The following SNTG1 variants were observed in gnomAD, a reference collection of about 807,000 sequenced individuals.
SNTG1 encodes the protein gamma-1-syntrophin.
A neutral mutation model predicts 74.7 loss-of-function variants in SNTG1; 39 were observed. The ratio of observed to expected loss-of-function variants is 0.52; its 90% confidence interval spans 0.40 to 0.68. The LOEUF is 0.68. SNTG1 is among the 30% of genes least tolerant of loss of function. SNTG1 has a pLI of 0.00. For missense variants in SNTG1, 685 were observed against 609.5 expected (o/e 1.12, Z -1.30); for synonymous variants, 254 against 217.1 (o/e 1.17, Z -1.49).
At chr8:50,490,246 C>A (rs1290964506) in intron 8 of SNTG1, among the ~76,000 whole-genome samples, 2 of 152,058 alleles carry the variant, frequency 1.3e-5, no homozygotes, top group Admixed American at 6.5e-5. Context: ...ATCGCTTTGG[C>A]TATATGAGCT....
At chr8:49,938,551 TC>T (rs1219968347) in intron 1 of SNTG1, among the ~76,000 whole-genome samples, 1 of 41,612 alleles carries the variant, frequency 2.4e-5, no homozygotes, top group Non-Finnish European at 4.3e-5. Flanking sequence ...TGCCTTCTTT[TC>T]TTTTGTTTTC....
chr8:50,553,541 G>A (rs1401059074), intron 12 of SNTG1, among the ~76,000 whole-genome samples: 1 of 152,146 alleles, frequency 6.6e-6, no homozygotes, highest in East Asian at 1.9e-4. Flanking sequence ...ATTGCAGCTA[G>A]GAAGGTTTGA....
At chr8:50,195,017 C>T (rs543170080) in intron 2 of SNTG1, among the ~76,000 whole-genome samples, 2 of 152,174 alleles carry the variant, frequency 1.3e-5, no homozygotes, top group South Asian at 4.1e-4. Flanking sequence ...AGATTATATG[C>T]CCCTTGTCTT....
chr8:50,733,898 G>A (rs1017670666), intron 17 of SNTG1, among the ~76,000 whole-genome samples: 1 of 151,138 alleles, frequency 6.6e-6, no homozygotes, highest in African/African-American at 2.4e-5. Context: ...TTTACTAAAT[G>A]AATTTGTAAT....
intron 2 of SNTG1, among the ~76,000 whole-genome samples, chr8:50,221,918 C>A (rs1030369214): frequency 4.6e-5 from 7 of 152,122 alleles, no homozygotes; most frequent in Non-Finnish European, 8.8e-5. Flanking sequence ...TTACACAAAT[C>A]AGCCTTCCCA....
At chr8:50,622,987 A>T (rs901671222) in intron 13 of SNTG1, among the ~76,000 whole-genome samples, 3 of 152,106 alleles carry the variant, frequency 2.0e-5, no homozygotes, top group Admixed American at 6.5e-5. Flanking sequence ...TAATGCACAG[A>T]AATGCGACTG....
chr8:50,498,540 G>A (rs1425352435), intron 8 of SNTG1, among the ~76,000 whole-genome samples: 1 of 151,758 alleles, frequency 6.6e-6, no homozygotes, highest in Non-Finnish European at 1.5e-5. Flanking sequence ...TTTTCTCAAA[G>A]TTTGTGACTT....
At chr8:50,748,038 T>C (rs2095559113) in intron 17 of SNTG1, among the ~76,000 whole-genome samples, 2 of 151,932 alleles carry the variant, frequency 1.3e-5, no homozygotes. Context: ...CTTTATTGAG[T>C]TGAAGGTGAA....
chr8:50,126,971 T>C (rs2081161767), intron 1 of SNTG1, among the ~76,000 whole-genome samples: 1 of 152,104 alleles, frequency 6.6e-6, no homozygotes, highest in African/African-American at 2.4e-5. Context: ...TACATCACAG[T>C]TATATCTGGG....
At chr8:50,081,615 TTTTTTG>T (rs1256361557) in intron 1 of SNTG1, among the ~76,000 whole-genome samples, 48 of 152,158 alleles carry the variant, frequency 3.2e-4, no homozygotes, top group African/African-American at 1.0e-3. Flanking sequence ...TCACTTCGTT[TTTTTTG>T]TTTTTGTTTT....
At chr8:50,511,442 A>T (rs1479655344) in intron 9 of SNTG1, among the ~76,000 whole-genome samples, 3 of 152,208 alleles carry the variant, frequency 2.0e-5, no homozygotes, top group Non-Finnish European at 2.9e-5. Flanking sequence ...TGCTTGGTGC[A>T]GAGCTGAGTT....
intron 2 of SNTG1, among the ~76,000 whole-genome samples, chr8:50,375,211 C>T (rs2092352318): frequency 6.6e-6 from 1 of 152,044 alleles, no homozygotes; most frequent in South Asian, 2.1e-4. Context: ...GCATTACTGA[C>T]TTTTGTGGAC....
chr8:50,310,004 A>T (rs1396731339), intron 2 of SNTG1, among the ~76,000 whole-genome samples: 1 of 152,222 alleles, frequency 6.6e-6, no homozygotes, highest in Non-Finnish European at 1.5e-5. Flanking sequence ...ATAGTCAAAC[A>T]GCCCATTTTA....
intron 1 of SNTG1, among the ~76,000 whole-genome samples, chr8:50,111,394 A>G (rs936426798): frequency 1.3e-5 from 2 of 149,202 alleles, no homozygotes; most frequent in African/African-American, 2.5e-5. Flanking sequence ...ACCAGAAAGT[A>G]TATCCTCTCT....
At chr8:50,076,949 A>G (rs1821949306) in intron 1 of SNTG1, among the ~76,000 whole-genome samples, 1 of 152,212 alleles carries the variant, frequency 6.6e-6, no homozygotes, top group Non-Finnish European at 1.5e-5. Flanking sequence ...ACAAAACAGG[A>G]AGTATAGTTG....
chr8:50,100,040 T>C lies in SNTG1; in HGVS notation c.-102-72521T>C, dbSNP rs189489196. Among the ~76,000 whole-genome samples the C allele has an allele frequency of 2.0e-3, 311 of 152,098 alleles. 1 individual carries two copies. Among genetic ancestry groups the C allele is most frequent in the African/African-American group, 7.1e-3 (297 of 41,548 alleles). On this transcript the variant is annotated intron_variant, in intron 1 of 18. Coordinates refer to ENST00000642720, the MANE Select transcript of SNTG1 (RefSeq NM_018967.5). ...GTGTTCATCAATAGATGACGGACAATGCAAATGTGGTGTACATACACATTG... is the reference window on the plus strand; with the variant it reads ...GTGTTCATCAATAGATGACGGACAACGCAAATGTGGTGTACATACACATTG...
intron 2 of SNTG1, among the ~76,000 whole-genome samples, chr8:50,341,875 T>G (rs11988564): frequency 1.3e-5 from 2 of 152,026 alleles, no homozygotes; most frequent in Non-Finnish European, 2.9e-5. Flanking sequence ...TAAAGTTAAC[T>G]TTTTATTCAT....
intron 13 of SNTG1, among the ~76,000 whole-genome samples, chr8:50,614,292 A>G (rs559481724): frequency 4.6e-4 from 70 of 152,126 alleles, no homozygotes; most frequent in Non-Finnish European, 7.5e-4. Flanking sequence ...AAATGTGAAC[A>G]TATTTCTGAA....
intron 1 of SNTG1, among the ~76,000 whole-genome samples, chr8:49,973,298 G>A (rs1181816256): frequency 6.6e-6 from 1 of 151,712 alleles, no homozygotes; most frequent in Non-Finnish European, 1.5e-5. Flanking sequence ...TCACTCATAG[G>A]TGGGAATTGA....
Sources: allele counts gnomAD v4.1 joint callset (sites outside exome capture counted in the v4.1 genomes callset), GRCh38; gene constraint gnomAD v4.1.1; transcripts MANE v1.5; gene names NCBI Gene and HGNC (gene_info 2026-07-23, HGNC 2026-07-21).